MYDGF: variants seen among roughly 807,000 people sequenced by gnomAD.
MYDGF encodes the protein myeloid-derived growth factor.
A neutral mutation model predicts 24.2 loss-of-function variants in MYDGF; 29 were observed. That is an observed-to-expected ratio of 1.20 (90% confidence interval 0.89 to 1.63). MYDGF has a LOEUF of 1.63. Ranked by LOEUF, MYDGF falls within the 40% of genes most tolerant of loss-of-function variation. The pLI, the probability that MYDGF is intolerant of heterozygous loss-of-function variation, is 0.00. For synonymous variants in MYDGF, 105 were observed against 102.5 expected, an observed-to-expected ratio of 1.02 and a Z score of -0.15; for missense variants, 245 against 234.8, an observed-to-expected ratio of 1.04 and a Z score of -0.29.
intron 3 of MYDGF, among the ~76,000 whole-genome samples, chr19:4,662,983 C>G (rs1315173376): frequency 4.0e-5 from 6 of 151,438 alleles, no homozygotes; most frequent in African/African-American, 1.2e-4. Context: ...CTCCCCTCCT[C>G]CCTGTCCTCA....
At chr19:4,658,243 G>C (rs984710934) in intron 5 of MYDGF, among the ~76,000 whole-genome samples, 159 bp from the exon 6 acceptor site, 1 of 152,192 alleles carries the variant, frequency 6.6e-6, no homozygotes, top group Non-Finnish European at 1.5e-5. Flanking sequence ...AAAGTCTTAC[G>C]GGTGACAGAC....
chr19:4,668,028 A>C (rs994224100), intron 2 of MYDGF, among the ~76,000 whole-genome samples: 2 of 152,162 alleles, frequency 1.3e-5, no homozygotes, highest in Non-Finnish European at 2.9e-5. Context: ...CCTGGGTTCA[A>C]GTGATTCTCC....
In MYDGF at chr19:4,670,296, C is replaced by A; in HGVS notation, c.39G>T (p.Ala13=). 1 of 1,507,392 alleles carries A rather than the reference C, an allele frequency of 6.6e-7. No individual in the cohort carries two copies. The highest frequency in any genetic ancestry group is 8.9e-7 in the Non-Finnish European group (1 of 1,127,758). The allele number at this position is 1,507,392 out of a possible 1,614,324, so 93.4% of individuals were successfully genotyped here. The change falls in exon 1 of 6, where the codon GCG becomes GCT. Residue 13 remains alanine, a synonymous_variant. Coordinates refer to ENST00000262947, the MANE Select transcript of MYDGF (RefSeq NM_019107.4). ...CTAGGAGCAGCGCGGCCCACAAGCTCGCGCCGACGCCGTTCCACCCTCCGC... is the reference window on the plus strand; with the variant it reads ...CTAGGAGCAGCGCGGCCCACAAGCTAGCGCCGACGCCGTTCCACCCTCCGC... The part of the protein sequence containing the change: ...APSGGWNGVG[A]SLWAALLLGA...
chr19:4,662,798 T>C (rs1352739164), intron 3 of MYDGF, among the ~76,000 whole-genome samples: 1 of 151,926 alleles, frequency 6.6e-6, no homozygotes, highest in Non-Finnish European at 1.5e-5. Flanking sequence ...CCCCGGGAGA[T>C]AGCATCATCC....
At chr19:4,662,745 G>A (rs1323471371) in intron 3 of MYDGF, among the ~76,000 whole-genome samples, 4 of 152,062 alleles carry the variant, frequency 2.6e-5, no homozygotes, top group Non-Finnish European at 5.9e-5. Flanking sequence ...GTAAAGACCT[G>A]CCTGAGGGGA....
chr19:4,659,898 C>T (rs772785416), intron 5 of MYDGF, 33 bp downstream of exon 5: 12 of 1,596,620 alleles, frequency 7.5e-6, no homozygotes, highest in African/African-American at 4.0e-5. Flanking sequence ...ATGGGGGTGG[C>T]GTCACCTCTA....
At position 4,664,890 on chromosome 19, in the gene MYDGF, G is replaced by C; in HGVS notation, c.273C>G (p.Thr91=). The C allele has an allele frequency of 1.9e-6, 3 of 1,612,950 alleles. No homozygotes were observed. The highest frequency in any genetic ancestry group is 1.1e-5 in the South Asian group (1 of 90,988). ...CCGAGTCTCACCTCCAGATGGTGCAGGTGAAGTGCTGGTGGTCTTCGCTGG... is the reference window on the plus strand; with the variant it reads ...CCGAGTCTCACCTCCAGATGGTGCACGTGAAGTGCTGGTGGTCTTCGCTGG... ...LGTSEDHQHF[T]CTIWRPQGKS... The change falls in exon 3 of 6, where the codon ACC becomes ACG. Residue 91 remains threonine (T), a synonymous_variant. Coordinates refer to ENST00000262947, the MANE Select transcript of MYDGF (RefSeq NM_019107.4).
At chr19:4,660,967 T>G (rs1346476755) in intron 3 of MYDGF, among the ~76,000 whole-genome samples, 2 of 145,076 alleles carry the variant, frequency 1.4e-5, no homozygotes, top group African/African-American at 5.0e-5. Context: ...TGCCAGAATT[T>G]TTTTTTTTTT....
In MYDGF at chr19:4,658,071, G is replaced by C. The variant is rs149433590; in HGVS notation, c.456C>G (p.Pro152=). 1.8e-5 allele frequency: 29 copies of C among 1,610,784 alleles called. No individual in the cohort carries two copies. The highest frequency in any genetic ancestry group is 2.5e-5 in the Non-Finnish European group (29 of 1,178,940). Residue 152 remains proline, a synonymous_variant, in exon 6 of 6, where the codon CCC becomes CCG. Coordinates refer to ENST00000262947, the MANE Select transcript of MYDGF (RefSeq NM_019107.4). ...TGGACAGCTCAGCTTTGAATGCCCCGGGCCTGTGAGCCACTGCAAGAAAGA... is the reference window on the plus strand; with the variant it reads ...TGGACAGCTCAGCTTTGAATGCCCCCGGCCTGTGAGCCACTGCAAGAAAGA... The part of the protein sequence containing the change: ...EVTKTAVAHR[P]GAFKAELSKL...
intron 1 of MYDGF, 23 bp downstream of exon 1, chr19:4,670,138 T>C (rs755226105): frequency 2.7e-6 from 4 of 1,482,954 alleles, no homozygotes; most frequent in South Asian, 2.6e-5. Flanking sequence ...CACTCAAATA[T>C]CCGGGACGGC....
intron 5 of MYDGF, 105 bp downstream of exon 5, chr19:4,659,824 TAC>T (rs770211793): frequency 2.0e-4 from 191 of 941,150 alleles, no homozygotes; most frequent in Non-Finnish European, 2.8e-4. Flanking sequence ...ATGCCTGGTC[TAC>T]AGTCTCCAGG....
chr19:4,665,681 C>T (rs1368405971), intron 2 of MYDGF, among the ~76,000 whole-genome samples: 4 of 151,722 alleles, frequency 2.6e-5, no homozygotes, highest in Admixed American at 6.6e-5. Context: ...ATTAGCCGAG[C>T]GCAGTGGTGG....
chr19:4,666,791 A>G (rs73537581), intron 2 of MYDGF, among the ~76,000 whole-genome samples: 36,743 of 151,690 alleles, frequency 0.24, 7,816 homozygotes, highest in African/African-American at 0.58. Context: ...GAGGCCGGGC[A>G]CCGGTGGCTC....
Position 4,670,177 on chromosome 19 carries a change from T to A in MYDGF, c.158A>T (p.His53Leu). ...RPGGVVHSFS[H>L]NVGPGDKYTC... ...GGCACGTACCCCCGGGCCCACGTTA[T>A]GGGAGAAGGAATGCACGACGCCGCC... Residue 53 changes from histidine (H) to leucine (L), a missense_variant, in exon 1 of 6, where the codon CAT becomes CTT. By Grantham distance (99) the His-to-Leu change is moderately conservative (BLOSUM62 -3). Transcript: ENST00000262947. The A allele has an allele frequency of 6.5e-7, 1 of 1,549,758 alleles. No homozygotes were observed. The highest frequency in any genetic ancestry group is 1.2e-5 in the South Asian group (1 of 85,222).
chr19:4,665,004 CCT>C, intron 2 of MYDGF, 67 bp from the exon 3 acceptor site: 1 of 1,534,326 alleles, frequency 6.5e-7, no homozygotes, highest in Non-Finnish European at 8.9e-7. Context: ...TCTAGGTGTG[CCT>C]CTGATTCTAC....
chr19:4,669,209 C>T (rs560107965), intron 1 of MYDGF, among the ~76,000 whole-genome samples: 1 of 152,232 alleles, frequency 6.6e-6, no homozygotes, highest in South Asian at 2.1e-4. Context: ...CACAGTGGCT[C>T]ACGCCTGTAA....
intron 3 of MYDGF, 94 bp downstream of exon 3, chr19:4,664,782 G>C (rs1338943607): frequency 7.2e-7 from 1 of 1,391,766 alleles, no homozygotes; most frequent in Non-Finnish European, 9.9e-7. Context: ...CCCTCCAGGG[G>C]TGCAGCCCTC....
At chr19:4,659,645 A>G in intron 5 of MYDGF, 1 of 502,124 alleles carries the variant, frequency 2.0e-6, no homozygotes, top group Non-Finnish European at 3.5e-6. Context: ...AACAGGCATG[A>G]GCCACCGCGC....
At chr19:4,664,808 A>G in intron 3 of MYDGF, 68 bp downstream of exon 3, 1 of 1,559,156 alleles carries the variant, frequency 6.4e-7, no homozygotes, top group Non-Finnish European at 8.8e-7. Context: ...CTGCCTTCCA[A>G]AGCAGCTCCT....
Sources: allele counts gnomAD v4.1 joint callset (sites outside exome capture counted in the v4.1 genomes callset), GRCh38; gene constraint gnomAD v4.1.1; transcripts MANE v1.5; gene names NCBI Gene and HGNC (gene_info 2026-07-23, HGNC 2026-07-21).